Variants in ATP8A2 observed in about 807,000 individuals in gnomAD.
The protein encoded by ATP8A2 is phospholipid-transporting ATPase IB.
ATP8A2 carries 100 observed loss-of-function variants against 165.6 expected under a neutral mutation model. The observed-to-expected ratio is 0.60, with a 90% CI of 0.51 to 0.71. The LOEUF (loss-of-function observed/expected upper bound fraction) is 0.71. Ranked by LOEUF, ATP8A2 falls within the 30% of genes least tolerant of loss-of-function variation. The pLI is 0.00. For missense variants in ATP8A2, 1,227 were observed against 1,479.5 expected, an observed-to-expected ratio of 0.83 and a Z score of 2.80; for synonymous variants, 543 against 548.8, an observed-to-expected ratio of 0.99 and a Z score of 0.15.
At chr13:25,929,367 A>C (rs1954700056) in intron 33 of ATP8A2, among the ~76,000 whole-genome samples, 2 of 152,186 alleles carry the variant, frequency 1.3e-5, no homozygotes, top group Non-Finnish European at 2.9e-5. Flanking sequence ...GGCCCACATG[A>C]GGGTGGCGGT....
chr13:25,694,222 G>T (rs1480127197), intron 24 of ATP8A2, among the ~76,000 whole-genome samples: 2 of 152,170 alleles, frequency 1.3e-5, no homozygotes, highest in African/African-American at 4.8e-5. Context: ...CTCCATTTAT[G>T]CTGTGCCCTC....
chr13:25,396,681 A>C (rs1480265144), intron 1 of ATP8A2, among the ~76,000 whole-genome samples: 1 of 151,868 alleles, frequency 6.6e-6, no homozygotes, highest in Non-Finnish European at 1.5e-5. Context: ...CACGAACTCT[A>C]TTTTGGGGCT....
intron 25 of ATP8A2, among the ~76,000 whole-genome samples, chr13:25,724,100 G>A (rs1188570706): frequency 6.6e-6 from 1 of 152,178 alleles, no homozygotes; most frequent in Non-Finnish European, 1.5e-5. Context: ...GTTTGGAAGA[G>A]GATCTTGAGC....
chr13:25,851,850 A>G (rs898476874), intron 30 of ATP8A2, among the ~76,000 whole-genome samples: 9 of 31,528 alleles, frequency 2.9e-4, no homozygotes, highest in African/African-American at 8.2e-4. Context: ...TTTTCTTTTA[A>G]AAATGTTTTT....
At chr13:25,518,677 A>G (rs1332778419) in intron 2 of ATP8A2, among the ~76,000 whole-genome samples, 1 of 152,028 alleles carries the variant, frequency 6.6e-6, no homozygotes, top group Non-Finnish European at 1.5e-5. Flanking sequence ...AGACTCTGGT[A>G]TTGTCTGTGG....
chr13:25,410,462 C>T (rs2033934906), intron 1 of ATP8A2, among the ~76,000 whole-genome samples: 1 of 152,168 alleles, frequency 6.6e-6, no homozygotes, highest in South Asian at 2.1e-4. Flanking sequence ...ACTCAATGAC[C>T]ATATCTTATT....
intron 33 of ATP8A2, among the ~76,000 whole-genome samples, chr13:25,960,535 G>A (rs770464698): frequency 1.8e-4 from 28 of 152,136 alleles, no homozygotes; most frequent in Admixed American, 4.6e-4. Flanking sequence ...AAAGAAATCC[G>A]GTGAACACGG....
intron 33 of ATP8A2, among the ~76,000 whole-genome samples, chr13:25,895,120 A>G (rs1351720575): frequency 6.6e-6 from 1 of 151,322 alleles, no homozygotes; most frequent in Non-Finnish European, 1.5e-5. Context: ...GCCATTTTTC[A>G]AAAAGAATGC....
At chr13:25,806,120 TC>T (rs1950733365) in intron 27 of ATP8A2, among the ~76,000 whole-genome samples, 2 of 152,102 alleles carry the variant, frequency 1.3e-5, no homozygotes, top group African/African-American at 2.4e-5. Flanking sequence ...GCAGCATGTA[TC>T]CTGAGGTTTC....
intron 27 of ATP8A2, among the ~76,000 whole-genome samples, chr13:25,796,935 A>G (rs1950510052): frequency 6.6e-6 from 1 of 152,138 alleles, no homozygotes. Flanking sequence ...TAGCACAACC[A>G]GGTGACTATA....
At position 25,821,380 on chromosome 13, in the gene ATP8A2, A is replaced by G. The variant is rs149090078; in HGVS notation, c.2680-6738A>G. ...TTTCAACAGCTTGCGTGTCTTGATT[A>G]TACCGAATTCACTCAGTCTTTGAAA... On this transcript the variant is annotated intron_variant, in intron 27 of 36. Coordinates refer to ENST00000381655, the MANE Select transcript of ATP8A2 (RefSeq NM_016529.6). 5.8e-4 allele frequency among the ~76,000 whole-genome samples: 88 copies of G among 152,342 alleles called. No individual in the cohort carries two copies. The East Asian group carries it at 0.014, about 24-fold the overall frequency.
rs141863179 is a variant in ATP8A2 at position 25,844,859 on chromosome 13, G to A, written c.2956+5235G>A. On this transcript the variant is annotated intron_variant, in intron 30 of 36. Transcript: ENST00000381655. ...AGAAAATTCTGCCTCCACCATCTAT[G>A]GAGAGAACCTCAGGTATATATCAAC... Among the ~76,000 whole-genome samples the A allele has an allele frequency of 8.0e-4, 122 of 152,296 alleles. 1 individual carries two copies. The highest frequency in any genetic ancestry group is 2.9e-3 in the African/African-American group (120 of 41,564).
chr13:25,900,407 G>A (rs757947500), intron 33 of ATP8A2, among the ~76,000 whole-genome samples: 25 of 152,192 alleles, frequency 1.6e-4, no homozygotes, highest in Non-Finnish European at 3.5e-4. Context: ...CGTGTCCCAA[G>A]GTGGTCGTCA....
intron 25 of ATP8A2, among the ~76,000 whole-genome samples, chr13:25,732,304 G>A (rs2043668511): frequency 6.6e-6 from 1 of 152,200 alleles, no homozygotes; most frequent in African/African-American, 2.4e-5. Context: ...TTCGGAATAT[G>A]GGGCTTGTGG....
Position 25,862,309 on chromosome 13 carries a change from T to C in ATP8A2, c.3084T>C (p.His1028=), listed in dbSNP as rs774010615. The C allele has an allele frequency of 5.6e-5, 90 of 1,613,700 alleles. 2 individuals are homozygous for C. In the South Asian group the frequency reaches 9.6e-4, roughly 17 times the overall value. The part of the protein sequence containing the change: ...LETTAWTKFS[H]LAVWGSMLTW... ...TCTATTTCCCTCTGCAGTTCAGTCA[T>C]CTGGCTGTCTGGGGAAGCATGCTGA... is the stretch of plus-strand genomic sequence containing the variant. The change falls in exon 33 of 37, where the codon CAT becomes CAC. Residue 1028 remains histidine, a synonymous_variant. Transcript: ENST00000381655.
At chr13:26,009,650 G>A (rs1033523789) in intron 35 of ATP8A2, among the ~76,000 whole-genome samples, 3 of 152,178 alleles carry the variant, frequency 2.0e-5, no homozygotes, top group Non-Finnish European at 2.9e-5. Context: ...TGAGGTGGTG[G>A]ATGGCAGGCC....
intron 25 of ATP8A2, among the ~76,000 whole-genome samples, chr13:25,760,075 C>T (rs1458710510): frequency 6.6e-6 from 1 of 152,194 alleles, no homozygotes; most frequent in African/African-American, 2.4e-5. Context: ...GACAGGGTGT[C>T]CTCCTGTTTT....
At chr13:25,684,050 G>A (rs2042549771) in intron 24 of ATP8A2, among the ~76,000 whole-genome samples, 1 of 152,146 alleles carries the variant, frequency 6.6e-6, no homozygotes, top group African/African-American at 2.4e-5. Flanking sequence ...ACAATGAGAT[G>A]CTTAAAAGGT....
intron 27 of ATP8A2, among the ~76,000 whole-genome samples, chr13:25,813,387 G>T (rs1372771499): frequency 1.1e-5 from 1 of 93,940 alleles, no homozygotes; most frequent in Non-Finnish European, 2.2e-5. Context: ...GATGATATAT[G>T]ATATGATATG....
Sources: allele counts gnomAD v4.1 joint callset (sites outside exome capture counted in the v4.1 genomes callset), GRCh38; gene constraint gnomAD v4.1.1; transcripts MANE v1.5; gene names NCBI Gene and HGNC (gene_info 2026-07-23, HGNC 2026-07-21).